The following PRH1 variants were observed in gnomAD, a reference collection of about 807,000 sequenced individuals.
PRH1 encodes the protein salivary acidic proline-rich phosphoprotein 1/2.
PRH1 carries 7 observed loss-of-function variants against 7.9 expected under a neutral mutation model. The ratio of observed to expected loss-of-function variants is 0.89; its 90% CI spans 0.50 to 1.67. The LOEUF is 1.67. Among genes scored for constraint, PRH1 ranks in the 40% most tolerant of loss-of-function variants. PRH1 has a pLI of 0.00. For missense variants in PRH1, 109 were observed against 223.6 expected (o/e 0.49, Z 3.27); for synonymous variants, 45 against 80.8 (o/e 0.56, Z 2.38).
intron 1 of PRH1, chr12:10,986,269 G>A (rs1437284939): frequency 6.2e-7 from 1 of 1,614,072 alleles, no homozygotes; most frequent in Admixed American, 1.7e-5. Flanking sequence ...GAACAGATTA[G>A]CATCAGAAAA....
intron 2 of PRH1, among the ~76,000 whole-genome samples, chr12:10,936,382 G>A (rs11610105): frequency 0.26 from 40,110 of 151,974 alleles, 5,395 homozygotes; most frequent in Admixed American, 0.29. Flanking sequence ...TTCCTCCTGA[G>A]TTGTTTCTAA....
intron 2 of PRH1, among the ~76,000 whole-genome samples, chr12:10,935,339 TAA>T (rs561868209): frequency 1.3e-5 from 2 of 152,146 alleles, no homozygotes; most frequent in Non-Finnish European, 2.9e-5. Context: ...ATCCTGACAT[TAA>T]AAAATATTAT....
intron 1 of PRH1, among the ~76,000 whole-genome samples, chr12:11,066,786 A>G (rs1293598278): frequency 4.0e-5 from 6 of 151,698 alleles, no homozygotes; most frequent in Admixed American, 3.9e-4. Flanking sequence ...TGTTTCTTCT[A>G]TGATTCTCAG....
intron 1 of PRH1, among the ~76,000 whole-genome samples, chr12:11,161,827 A>G (rs1013725541): frequency 1.3e-5 from 2 of 152,176 alleles, no homozygotes; most frequent in African/African-American, 4.8e-5. Context: ...GAGGCCTGGG[A>G]TAAGTAAGGG....
At chr12:11,159,986 C>T (rs1486888965) in intron 1 of PRH1, among the ~76,000 whole-genome samples, 1 of 152,168 alleles carries the variant, frequency 6.6e-6, no homozygotes, top group Middle Eastern at 3.2e-3. Flanking sequence ...CTAATGATGT[C>T]TATTTATCTT....
chr12:11,085,797 G>C (rs1944667341), intron 1 of PRH1, among the ~76,000 whole-genome samples: 1 of 118,830 alleles, frequency 8.4e-6, no homozygotes, highest in South Asian at 2.3e-4. Flanking sequence ...TTTTTTCCTT[G>C]TTTAACCTGT....
chr12:11,091,992 C>T (rs73064968), intron 1 of PRH1: 3 of 1,177,002 alleles, frequency 2.5e-6, no homozygotes, highest in South Asian at 2.6e-5. Context: ...GTAGTTCTTA[C>T]TTCTACACTA....
chr12:11,152,316 G>T, intron 1 of PRH1, among the ~76,000 whole-genome samples: 1 of 112,722 alleles, frequency 8.9e-6, no homozygotes. Context: ...TTTTGGAAAA[G>T]ATAATTTGTG....
At chr12:10,922,890 G>A (rs1345567308) in intron 2 of PRH1, among the ~76,000 whole-genome samples, 1 of 126,992 alleles carries the variant, frequency 7.9e-6, no homozygotes, top group Non-Finnish European at 1.7e-5. Flanking sequence ...CTGCAGTGGC[G>A]CAATCTCGGC....
intron 2 of PRH1, among the ~76,000 whole-genome samples, chr12:10,933,069 A>T (rs907397751): frequency 1.3e-4 from 20 of 152,132 alleles, no homozygotes; most frequent in African/African-American, 4.6e-4. Flanking sequence ...ATCCAATAAA[A>T]TTGGCAAAAG....
intron 2 of PRH1, among the ~76,000 whole-genome samples, chr12:10,917,496 T>C (rs1459074180): frequency 1.3e-5 from 2 of 152,226 alleles, no homozygotes. Flanking sequence ...ATTTTTCAAA[T>C]GATTCAGCTG....
intron 2 of PRH1, among the ~76,000 whole-genome samples, chr12:10,905,997 C>T (rs988815304): frequency 6.6e-6 from 1 of 152,056 alleles, no homozygotes; most frequent in Non-Finnish European, 1.5e-5. Flanking sequence ...TTGAAAGATG[C>T]TATTGGGTAA....
At chr12:10,998,934 G>A (rs942041226) in intron 1 of PRH1, among the ~76,000 whole-genome samples, 6 of 152,150 alleles carry the variant, frequency 3.9e-5, no homozygotes, top group African/African-American at 1.4e-4. Flanking sequence ...GGTTTATAAT[G>A]AGAACATGTC....
chr12:11,159,985 T>C (rs1160400160), intron 1 of PRH1, among the ~76,000 whole-genome samples: 2 of 152,158 alleles, frequency 1.3e-5, no homozygotes, highest in Non-Finnish European at 2.9e-5. Context: ...ACTAATGATG[T>C]CTATTTATCT....
intron 1 of PRH1, among the ~76,000 whole-genome samples, chr12:10,989,951 G>A (rs1231263065): frequency 6.6e-6 from 1 of 151,930 alleles, no homozygotes; most frequent in East Asian, 1.9e-4. Context: ...TTTTTAATTG[G>A]TTTTAGTTAT....
At chr12:10,958,779 G>A (rs1004975101) in intron 2 of PRH1, among the ~76,000 whole-genome samples, 8 of 152,128 alleles carry the variant, frequency 5.3e-5, no homozygotes, top group African/African-American at 1.9e-4. Context: ...TGTTAGCATG[G>A]GATGAGCCAG....
intron 1 of PRH1, among the ~76,000 whole-genome samples, chr12:11,046,660 T>C (rs972129239): frequency 6.6e-6 from 1 of 152,190 alleles, no homozygotes; most frequent in Non-Finnish European, 1.5e-5. Context: ...TGCCAATGAA[T>C]GGCTGTTTTT....
upstream of PRH1, among the ~76,000 whole-genome samples, chr12:10,887,023 T>C (rs1949502117): frequency 6.6e-6 from 1 of 152,224 alleles, no homozygotes; most frequent in East Asian, 1.9e-4. Context: ...TTAGGTTATA[T>C]CACATTTGTG....
chr12:11,050,961 G>A (rs1279608271), upstream of PRH1, among the ~76,000 whole-genome samples: 1 of 152,282 alleles, frequency 6.6e-6, no homozygotes, highest in South Asian at 2.1e-4. Flanking sequence ...AGCCAAAGTA[G>A]CTTCAAGATG....
Sources: gnomAD v4.1 joint callset for allele counts (sites outside exome capture counted in the v4.1 genomes callset) on GRCh38, gnomAD v4.1.1 for gene constraint, MANE v1.5 for transcripts, NCBI Gene and HGNC (gene_info 2026-07-23, HGNC 2026-07-21) for gene names.